LHX4: variants seen among roughly 807,000 people sequenced by gnomAD.
LHX4 encodes the protein LIM homeobox 4.
In LHX4, 16 loss-of-function variants were observed where a neutral mutation model predicts 39.2. The ratio of observed to expected loss-of-function variants is 0.41; its 90% confidence interval spans 0.28 to 0.62. The LOEUF (loss-of-function observed/expected upper bound fraction) is 0.62. LHX4 is among the 20% of genes least tolerant of loss of function. The pLI, the probability that LHX4 is intolerant of heterozygous loss-of-function variation, is 0.33. For missense variants in LHX4, 439 were observed against 511.9 expected (o/e 0.86, Z 1.37); for synonymous variants, 206 against 198.1 (o/e 1.04, Z -0.33).
chr1:180,249,970 TGTGTGA>T (rs1287891598), intron 2 of LHX4, among the ~76,000 whole-genome samples: 3 of 151,752 alleles, frequency 2.0e-5, no homozygotes, highest in East Asian at 1.9e-4. Flanking sequence ...GTGAGTGTTG[TGTGTGA>T]GTGTGAGTGA....
Position 180,234,237 on chromosome 1 carries a change from A to G in LHX4, c.76+3632A>G, listed in dbSNP as rs981762512. Among the ~76,000 whole-genome samples the G allele has an allele frequency of 3.2e-4, 42 of 129,872 alleles. No individual in the cohort carries two copies. Among genetic ancestry groups the G allele is most frequent in the African/African-American group, 7.1e-4 (25 of 35,260 alleles). 85.2% of individuals were successfully genotyped at this position (129,872 alleles called of 152,430 possible). ...TATATATATAATAGATTGAGATTCT[A>G]TCATATTCCGAACATTCCGATATAG... On this transcript the variant is annotated intron_variant, in intron 1 of 5. Transcript: ENST00000263726. The surrounding 1 kb of genome is among the most constrained non-coding windows in gnomAD (Gnocchi z 4.8).
chr1:180,261,997 G>A (rs1418027758), intron 2 of LHX4, among the ~76,000 whole-genome samples: 1 of 152,202 alleles, frequency 6.6e-6, no homozygotes, highest in Non-Finnish European at 1.5e-5. Flanking sequence ...TTTCCAGATG[G>A]TTCCTCTAAC....
intron 2 of LHX4, among the ~76,000 whole-genome samples, chr1:180,259,531 G>A (rs1648016714): frequency 6.6e-6 from 1 of 151,600 alleles, no homozygotes; most frequent in South Asian, 2.1e-4. Context: ...TCCAAGCCGG[G>A]CTTCCCTCTT....
chr1:180,231,496 C>T (rs1297765928), intron 1 of LHX4, among the ~76,000 whole-genome samples: 3 of 151,294 alleles, frequency 2.0e-5, no homozygotes, highest in African/African-American at 7.3e-5. Context: ...GTGCTTCACT[C>T]CTGAGCGAGA....
chr1:180,266,152 G>A lies in LHX4; in HGVS notation c.249-240G>A, dbSNP rs765092151. On this transcript the variant is annotated intron_variant, in intron 2 of 5. Transcript: ENST00000263726. The surrounding 1 kb of genome is among the most constrained non-coding windows in gnomAD (Gnocchi z 5.7). ...TCCGGGGGCATCAGCTTTGGAAAAG[G>A]TACCTGAGGGAGACTCTAGTTCTCA... Among the ~76,000 whole-genome samples, 39 of 152,168 alleles carry A rather than the reference G, an allele frequency of 2.6e-4. No homozygotes were observed. The highest frequency in any genetic ancestry group is 4.9e-4 in the Non-Finnish European group (33 of 68,024).
At chr1:180,251,933 C>T (rs112139205) in intron 2 of LHX4, among the ~76,000 whole-genome samples, 5,206 of 152,240 alleles carry the variant, frequency 0.034, 122 homozygotes, top group African/African-American at 0.063. Context: ...AGGGCCAACC[C>T]GAGATGAAGA....
chr1:180,261,131 C>T (rs563504642), intron 2 of LHX4, among the ~76,000 whole-genome samples: 1 of 151,950 alleles, frequency 6.6e-6, no homozygotes, highest in South Asian at 2.1e-4. Flanking sequence ...GTGGCTCACA[C>T]CTGTAATTCC....
chr1:180,263,208 A>G (rs1298003139), intron 2 of LHX4, among the ~76,000 whole-genome samples: 1 of 152,152 alleles, frequency 6.6e-6, no homozygotes, highest in Non-Finnish European at 1.5e-5. Context: ...TTCTCTGTGT[A>G]GCAGCCGGGT....
At chr1:180,233,286 G>T (rs1454045644) in intron 1 of LHX4, among the ~76,000 whole-genome samples, 2 of 152,198 alleles carry the variant, frequency 1.3e-5, no homozygotes, top group African/African-American at 4.8e-5. Flanking sequence ...GCAGGCTCCC[G>T]TGCGGACTTA....
chr1:180,246,119 C>T (rs749899218), intron 1 of LHX4, among the ~76,000 whole-genome samples: 4 of 152,146 alleles, frequency 2.6e-5, no homozygotes, highest in Admixed American at 6.5e-5. Context: ...AGCATGTATA[C>T]CAGGCCTGAC....
At chr1:180,233,914 G>A (rs1348108903) in intron 1 of LHX4, among the ~76,000 whole-genome samples, 1 of 151,776 alleles carries the variant, frequency 6.6e-6, no homozygotes, top group East Asian at 1.9e-4. Flanking sequence ...GTAGGGTCGG[G>A]GTAAAGGTTT....
chr1:180,258,368 G>A (rs542474318), intron 2 of LHX4, among the ~76,000 whole-genome samples: 2 of 152,330 alleles, frequency 1.3e-5, no homozygotes, highest in Admixed American at 1.3e-4. Flanking sequence ...GAGGAGGGAG[G>A]GTGGAAAGGC....
In LHX4 at chr1:180,271,529, G is replaced by C; in HGVS notation, c.601G>C (p.Val201Leu). The stretch of plus-strand genomic sequence containing the variant: ...AGAGACAGGCCTGGACATGAGGGTC[G>C]TACAGGTGAGATGCCAGCACTCCTG... ...SSETGLDMRV[V>L]QVWFQNRRAK... Residue 201 changes from valine to leucine, a missense_variant, in exon 4 of 6, where the codon GTA (valine) becomes CTA (leucine). Coordinates refer to ENST00000263726, the MANE Select transcript of LHX4 (RefSeq NM_033343.4). 6.2e-7 allele frequency: 1 copy of C among 1,614,076 alleles called. No homozygotes were observed. The highest frequency in any genetic ancestry group is 1.3e-5 in the African/African-American group (1 of 75,022).
rs1270101066 is a variant in LHX4, at chr1:180,234,191, ATATATATATATATATATATATATATAT to A, written c.76+3587_76+3613del. On this transcript the variant is annotated intron_variant, in intron 1 of 5. Transcript: ENST00000263726. This position sits in a 1 kb window ranked among gnomAD's most constrained non-coding sequence, Gnocchi z 4.8. The stretch of plus-strand genomic sequence containing the variant: ...AAATTATATATATATATATATATAT[ATATATATATATATATATATATATATAT>A]ATAATAGATTGAGATTCTATCATAT... Among the ~76,000 whole-genome samples the A allele has an allele frequency of 1.2e-5, 1 of 85,104 alleles. No individual in the cohort carries two copies. The highest frequency in any genetic ancestry group is 4.4e-5 in the African/African-American group (1 of 22,706). The allele number at this position is 85,104 out of a possible 152,430, so 55.8% of individuals were successfully genotyped here.
chr1:180,262,601 C>G (rs1430443551), intron 2 of LHX4, among the ~76,000 whole-genome samples: 1 of 151,514 alleles, frequency 6.6e-6, no homozygotes, highest in Non-Finnish European at 1.5e-5. Flanking sequence ...TGATTTCTAC[C>G]CATTTTCTGA....
At chr1:180,258,179 T>C (rs12079921) in intron 2 of LHX4, among the ~76,000 whole-genome samples, 17,190 of 152,048 alleles carry the variant, frequency 0.11, 1,422 homozygotes, top group African/African-American at 0.23. Context: ...GCGCATCTAC[T>C]GAGATGAGTG....
chr1:180,265,256 T>TA (rs1480710825), intron 2 of LHX4, among the ~76,000 whole-genome samples: 2 of 152,234 alleles, frequency 1.3e-5, no homozygotes, highest in African/African-American at 4.8e-5. Context: ...CTGAAGAAGA[T>TA]AAAGTTCTGC....
At position 180,266,500 on chromosome 1, in the gene LHX4, C is replaced by T. The variant is rs1299824979; in HGVS notation, c.357C>T (p.Ile119=). 1.2e-6 allele frequency: 2 copies of T among 1,614,228 alleles called. No individual in the cohort carries two copies. Among genetic ancestry groups the T allele is most frequent in the African/African-American group, 2.7e-5 (2 of 75,068 alleles). ...VYHLHCFACI[I]CNRQLATGDE... Reference sequence around the variant, plus strand: ...ACCTGCACTGCTTTGCTTGCATCATCTGCAACCGGCAGCTGGCCACGGGGG... The same window carrying T: ...ACCTGCACTGCTTTGCTTGCATCATTTGCAACCGGCAGCTGGCCACGGGGG... The change falls in exon 3 of 6, where the codon ATC becomes ATT. Residue 119 remains isoleucine, a synonymous_variant. Coordinates refer to ENST00000263726, the MANE Select transcript of LHX4 (RefSeq NM_033343.4). The surrounding 1 kb of genome is among the most constrained non-coding windows in gnomAD (Gnocchi z 5.7).
rs1053730663 is a variant in LHX4, at chr1:180,260,836, G to A, written c.249-5556G>A. 2.0e-5 allele frequency among the ~76,000 whole-genome samples: 3 copies of A among 151,802 alleles called. No homozygotes were observed. The East Asian group carries it at 5.8e-4, about 29-fold the overall frequency. On this transcript the variant is annotated intron_variant, in intron 2 of 5. Transcript: ENST00000263726. ...GGGTTTGCTGCCCTTGAAGCCCGCC[G>A]CATGTCCGCTGTGTTGTGTCAGAAG...
Sources: gnomAD v4.1 joint callset for allele counts (sites outside exome capture counted in the v4.1 genomes callset) on GRCh38, gnomAD v4.1.1 for gene constraint, Gnocchi (gnomAD v3.1) non-coding constraint, MANE v1.5 for transcripts, NCBI Gene and HGNC (gene_info 2026-07-23, HGNC 2026-07-21) for gene names.